HCFC2: variants seen among roughly 807,000 people sequenced by gnomAD.
The protein encoded by HCFC2 is host cell factor 2.
Under a neutral mutation model 89.2 loss-of-function variants are expected in HCFC2, and 18 were observed. The ratio of observed to expected loss-of-function variants is 0.20; its 90% CI spans 0.14 to 0.30. HCFC2 has a LOEUF of 0.30. Among genes scored for constraint, HCFC2 ranks in the 10% least tolerant of loss-of-function variants. The pLI, the probability that HCFC2 is intolerant of heterozygous loss-of-function variation, is 1.00. For missense variants in HCFC2, 578 were observed against 956.1 expected, an observed-to-expected ratio of 0.60 and a Z score of 5.21; for synonymous variants, 308 against 335.7, an observed-to-expected ratio of 0.92 and a Z score of 0.90.
intron 3 of HCFC2, among the ~76,000 whole-genome samples, chr12:104,077,550 G>GTTTT (rs202233502): frequency 2.0e-4 from 27 of 133,430 alleles, no homozygotes; most frequent in Admixed American, 7.4e-4. Context: ...CCCCTGGCCT[G>GTTTT]TTTTTTTTTT....
At chr12:104,071,355 T>C (rs757210488) in intron 3 of HCFC2, among the ~76,000 whole-genome samples, 4 of 152,242 alleles carry the variant, frequency 2.6e-5, no homozygotes, top group Non-Finnish European at 4.4e-5. Context: ...TGGGGCAAGC[T>C]TCTCAAGGGT....
chr12:104,084,954 G>A (rs981938360), intron 7 of HCFC2, among the ~76,000 whole-genome samples: 2 of 152,140 alleles, frequency 1.3e-5, no homozygotes, highest in African/African-American at 2.4e-5. Flanking sequence ...AAAATCAAGA[G>A]TTCCATTTAG....
At chr12:104,086,143 G>A (rs919181990) in intron 7 of HCFC2, among the ~76,000 whole-genome samples, 4 of 151,878 alleles carry the variant, frequency 2.6e-5, no homozygotes, top group African/African-American at 7.2e-5. Flanking sequence ...AATTACAGGC[G>A]CCAGCCACAA....
In HCFC2 at chr12:104,102,037, A is replaced by G; in HGVS notation, c.1948A>G (p.Arg650Gly). ...KQDLVPGTGY[R>G]FRVAAINGCG... ...AGATCTTGTTCCAGGCACAGGATAC[A>G]GATTCAGGGTTGCTGCAATCAATGG... is the stretch of plus-strand genomic sequence containing the variant. Residue 650 changes from arginine (R) to glycine (G), a missense_variant, in exon 14 of 15, where the codon AGA (arginine) becomes GGA (glycine). By Grantham distance (125) the Arg-to-Gly change is moderately radical. Coordinates refer to ENST00000229330, the MANE Select transcript of HCFC2 (RefSeq NM_013320.3). 1 of 1,614,016 alleles carries G rather than the reference A, an allele frequency of 6.2e-7. No individual in the cohort carries two copies. The highest frequency in any genetic ancestry group is 8.5e-7 in the Non-Finnish European group (1 of 1,179,898).
At chr12:104,067,133 G>C (rs112883159) in intron 2 of HCFC2, among the ~76,000 whole-genome samples, 1 of 152,160 alleles carries the variant, frequency 6.6e-6, no homozygotes, top group Non-Finnish European at 1.5e-5. Flanking sequence ...CAGAGGGATA[G>C]TTGGCATTGG....
chr12:104,074,223 C>T (rs1032585045), intron 3 of HCFC2, among the ~76,000 whole-genome samples: 1 of 152,178 alleles, frequency 6.6e-6, no homozygotes, highest in African/African-American at 2.4e-5. Context: ...TCTGCACCCT[C>T]GACCTCCTAG....
chr12:104,073,531 C>T (rs561305073), intron 3 of HCFC2, among the ~76,000 whole-genome samples: 1 of 152,162 alleles, frequency 6.6e-6, no homozygotes, highest in African/African-American at 2.4e-5. Context: ...TCTTCTATGG[C>T]TTTCTGGTTT....
chr12:104,086,210 C>G (rs931070251), intron 7 of HCFC2, among the ~76,000 whole-genome samples: 7 of 152,234 alleles, frequency 4.6e-5, no homozygotes, highest in African/African-American at 9.6e-5. Context: ...GTTGGCCAGG[C>G]TGCCTTGGCC....
Position 104,105,901 on chromosome 12 carries a change from T to C in HCFC2, c.*2628T>C, listed in dbSNP as rs2030073585. The C allele has an allele frequency of 6.6e-6, 1 of 152,088 alleles. No individual in the cohort carries two copies. The highest frequency in any genetic ancestry group is 2.4e-5 in the African/African-American group (1 of 41,432). The allele number at this position is 152,088 out of a possible 1,614,324, so 9.4% of individuals were successfully genotyped here. A position where few individuals can be genotyped will look rare whatever the true frequency, so the allele number is the denominator to read the frequency against. ...TTACTCTTCCCAGTCAGGTAAGCAG[T>C]TCAAATATAACAAGACTTTGTGCCA... On this transcript the variant is annotated 3_prime_UTR_variant, in exon 15 of 15. Transcript: ENST00000229330.
intron 4 of HCFC2, 47 bp from the exon 5 acceptor site, chr12:104,080,699 T>A (rs1883658736): frequency 3.5e-6 from 4 of 1,139,818 alleles, no homozygotes; most frequent in Non-Finnish European, 5.1e-6. Context: ...TTGAGGTAAT[T>A]TACTCTTGTT....
intron 9 of HCFC2, among the ~76,000 whole-genome samples, chr12:104,089,238 C>T (rs1038934936): frequency 3.9e-5 from 6 of 152,132 alleles, no homozygotes; most frequent in South Asian, 2.1e-4. Context: ...CACGGCCAGG[C>T]GTGGTGGCTC....
rs1222454696 is a variant in HCFC2 at position 104,104,220 on chromosome 12, A to G, written c.*947A>G. 6.6e-6 allele frequency: 1 copy of G among 152,084 alleles called. No homozygotes were observed. The highest frequency in any genetic ancestry group is 1.5e-5 in the Non-Finnish European group (1 of 67,920). 9.4% of individuals were successfully genotyped at this position (152,084 alleles called of 1,614,324 possible). A position where few individuals can be genotyped will look rare whatever the true frequency, so the allele number is the denominator to read the frequency against. On this transcript the variant is annotated 3_prime_UTR_variant, in exon 15 of 15. Transcript: ENST00000229330. ...CTTAACAGGACACAAGTTTTAAAAT[A>G]GTGTTTTAAACATTTGTAAGATTTT...
At chr12:104,071,499 G>A (rs1883325640) in intron 3 of HCFC2, among the ~76,000 whole-genome samples, 1 of 152,232 alleles carries the variant, frequency 6.6e-6, no homozygotes, top group Non-Finnish European at 1.5e-5. Flanking sequence ...CAGAGTCAGT[G>A]GTCTAAGGAT....
At position 104,068,002 on chromosome 12, in the gene HCFC2, C is replaced by T. The variant is rs765341316; in HGVS notation, c.368C>T (p.Pro123Leu). The change falls in exon 3 of 15, where the codon CCT (proline) becomes CTT (leucine). Residue 123 changes from proline to leucine, a missense_variant. Coordinates refer to ENST00000229330, the MANE Select transcript of HCFC2 (RefSeq NM_013320.3). This position sits in a 1 kb window ranked among gnomAD's most constrained non-coding sequence, Gnocchi z 4.1. Reference sequence around the variant, plus strand: ...CCCCATCCCCCTCCTTCTGGTTTACCTCCTTGTCCTCGGCTTGGACATAGC... The same window carrying T: ...CCCCATCCCCCTCCTTCTGGTTTACTTCCTTGTCCTCGGCTTGGACATAGC... The part of the protein sequence containing the change: ...VKPHPPPSGL[P>L]PCPRLGHSFS... The T allele has an allele frequency of 2.5e-6, 4 of 1,606,688 alleles. No homozygotes were observed. The highest frequency in any genetic ancestry group is 1.7e-5 in the Admixed American group (1 of 58,922).
intron 3 of HCFC2, among the ~76,000 whole-genome samples, chr12:104,070,408 T>C (rs1447851833): frequency 6.6e-6 from 1 of 152,224 alleles, no homozygotes; most frequent in Non-Finnish European, 1.5e-5. Context: ...GATCACATTG[T>C]CATTCTAGCA....
rs997752904 is a variant in HCFC2, at chr12:104,105,692, G to C, written c.*2419G>C. The C allele has an allele frequency of 2.0e-5, 3 of 151,742 alleles. No individual in the cohort carries two copies. The highest frequency in any genetic ancestry group is 7.3e-5 in the African/African-American group (3 of 41,318). 9.4% of individuals were successfully genotyped at this position (151,742 alleles called of 1,614,324 possible). A position where few individuals can be genotyped will look rare whatever the true frequency, so the allele number is the denominator to read the frequency against. ...AGAAATCTCTGTGGCTTTGACATTAGTAGTTAATAAGAGATCTTAGAGCTG... is the reference window on the plus strand; with the variant it reads ...AGAAATCTCTGTGGCTTTGACATTACTAGTTAATAAGAGATCTTAGAGCTG... On this transcript the variant is annotated 3_prime_UTR_variant, in exon 15 of 15. Coordinates refer to ENST00000229330, the MANE Select transcript of HCFC2 (RefSeq NM_013320.3).
At chr12:104,080,685 G>T in intron 4 of HCFC2, 61 bp from the exon 5 acceptor site, 1 of 945,034 alleles carries the variant, frequency 1.1e-6, no homozygotes, top group Non-Finnish European at 1.6e-6. Context: ...TAAAATTATG[G>T]AAGTTGAGGT....
intron 3 of HCFC2, among the ~76,000 whole-genome samples, chr12:104,072,898 C>A (rs1883371136): frequency 6.6e-6 from 1 of 152,000 alleles, no homozygotes; most frequent in African/African-American, 2.4e-5. Flanking sequence ...CCCACCTCAG[C>A]CTCCCAAAGT....
intron 8 of HCFC2, among the ~76,000 whole-genome samples, chr12:104,087,496 T>TAC (rs1306911878): frequency 2.9e-4 from 42 of 146,700 alleles, no homozygotes; most frequent in Admixed American, 1.5e-3. Flanking sequence ...TATATATATA[T>TAC]ACACACATAC....
Sources: gnomAD v4.1 joint callset for allele counts (sites outside exome capture counted in the v4.1 genomes callset) on GRCh38, gnomAD v4.1.1 for gene constraint, Gnocchi (gnomAD v3.1) non-coding constraint, MANE v1.5 for transcripts, NCBI Gene and HGNC (gene_info 2026-07-23, HGNC 2026-07-21) for gene names.